Variants in DNM3 observed in about 807,000 individuals in gnomAD.
DNM3 encodes dynamin-3.
Under a neutral mutation model 101.6 loss-of-function variants are expected in DNM3, and 47 were observed. The observed-to-expected ratio is 0.46, with a 90% confidence interval of 0.37 to 0.59. The LOEUF (loss-of-function observed/expected upper bound fraction) is 0.59. DNM3 is among the 20% of genes least tolerant of loss of function. The pLI, the probability that DNM3 is intolerant of heterozygous loss-of-function variation, is 0.00. For missense variants in DNM3, 849 were observed against 1,085.7 expected, an observed-to-expected ratio of 0.78 and a Z score of 3.06; for synonymous variants, 385 against 387.9, an observed-to-expected ratio of 0.99 and a Z score of 0.09.
At chr1:172,162,416 T>G (rs1416479859) in intron 14 of DNM3, among the ~76,000 whole-genome samples, 2 of 151,980 alleles carry the variant, frequency 1.3e-5, no homozygotes, top group African/African-American at 4.8e-5. Context: ...GACCTCCTGA[T>G]TAATGTCAAG....
intron 2 of DNM3, among the ~76,000 whole-genome samples, chr1:171,932,460 C>T (rs553527662): frequency 2.8e-4 from 42 of 152,074 alleles, no homozygotes; most frequent in Non-Finnish European, 5.3e-4. Flanking sequence ...CACTCCCCAC[C>T]CACCTCCTAC....
chr1:172,195,750 A>G (rs577577772), intron 14 of DNM3, among the ~76,000 whole-genome samples: 3 of 151,912 alleles, frequency 2.0e-5, no homozygotes, highest in Non-Finnish European at 4.4e-5. Context: ...GAACCCTCCT[A>G]GCATACCTGG....
At chr1:172,398,433 GAGA>G (rs1047663227) in intron 20 of DNM3, among the ~76,000 whole-genome samples, 8 of 152,302 alleles carry the variant, frequency 5.3e-5, no homozygotes, top group African/African-American at 1.9e-4. Flanking sequence ...CTCTGTGGGT[GAGA>G]ACAGAGTTGC....
intron 17 of DNM3, chr1:172,366,596 C>G (rs1390157231): frequency 6.6e-6 from 1 of 151,876 alleles, no homozygotes; most frequent in Non-Finnish European, 1.5e-5. Flanking sequence ...AAGATTAACA[C>G]AGCCCCTGCA....
At chr1:171,927,957 A>G (rs542862923) in intron 2 of DNM3, among the ~76,000 whole-genome samples, 4 of 152,248 alleles carry the variant, frequency 2.6e-5, no homozygotes, top group East Asian at 3.9e-4. Flanking sequence ...GTTCTTTCTC[A>G]TCTCTGCATG....
At position 171,958,215 on chromosome 1, in the gene DNM3, G is replaced by A. The variant is rs1021778342; in HGVS notation, c.236-29441G>A. 5.3e-5 allele frequency among the ~76,000 whole-genome samples: 8 copies of A among 152,266 alleles called. No homozygotes were observed. In the South Asian group the frequency reaches 1.2e-3, roughly 24 times the overall value. On this transcript the variant is annotated intron_variant, in intron 2 of 20. Coordinates refer to ENST00000627582, the MANE Select transcript of DNM3 (RefSeq NM_015569.5). ...AGACTTATTCACTATCACAAGAACA[G>A]CATGGGAAAGACCTGTCCTCATGAT...
chr1:171,880,344 G>A (rs1008137689), intron 1 of DNM3, among the ~76,000 whole-genome samples: 2 of 152,166 alleles, frequency 1.3e-5, no homozygotes, highest in Non-Finnish European at 2.9e-5. Context: ...TGTGCCAGGT[G>A]GAATGATTCA....
At chr1:172,156,562 A>T (rs1218406231) in intron 14 of DNM3, among the ~76,000 whole-genome samples, 1 of 151,958 alleles carries the variant, frequency 6.6e-6, no homozygotes, top group Admixed American at 6.6e-5. Context: ...TTTTCGCCTA[A>T]TGTTGGCAAG....
chr1:172,181,627 C>T (rs2059350159), intron 14 of DNM3, among the ~76,000 whole-genome samples: 2 of 152,026 alleles, frequency 1.3e-5, no homozygotes, highest in Non-Finnish European at 2.9e-5. Context: ...GTGCCCAGCT[C>T]CAGGCCTGCA....
chr1:171,973,570 A>G (rs1181139559), intron 2 of DNM3, among the ~76,000 whole-genome samples: 1 of 151,472 alleles, frequency 6.6e-6, no homozygotes, highest in Non-Finnish European at 1.5e-5. Flanking sequence ...AAGAGACACT[A>G]TTTTGCAGTG....
At chr1:171,843,112 T>G (rs1386991541) in intron 1 of DNM3, among the ~76,000 whole-genome samples, 3 of 152,226 alleles carry the variant, frequency 2.0e-5, no homozygotes, top group African/African-American at 7.2e-5. Context: ...TTTGGAAATG[T>G]TAGTGTTCAT....
intron 2 of DNM3, among the ~76,000 whole-genome samples, chr1:171,973,926 A>G (rs1422420536): frequency 6.6e-6 from 1 of 151,862 alleles, no homozygotes; most frequent in Non-Finnish European, 1.5e-5. Flanking sequence ...TGGCCTCCTA[A>G]CGTGCTAAGA....
intron 2 of DNM3, among the ~76,000 whole-genome samples, chr1:171,925,942 A>G (rs1433420620): frequency 1.3e-5 from 2 of 152,100 alleles, no homozygotes; most frequent in African/African-American, 4.8e-5. Flanking sequence ...AGTTTTCCCA[A>G]CACCATTTAT....
chr1:171,962,806 G>A (rs1252197054), intron 2 of DNM3, among the ~76,000 whole-genome samples: 1 of 152,146 alleles, frequency 6.6e-6, no homozygotes, highest in Non-Finnish European at 1.5e-5. Flanking sequence ...GTCTACAACA[G>A]TTACATAAAA....
At chr1:172,198,805 T>C (rs2148475546) in intron 14 of DNM3, among the ~76,000 whole-genome samples, 1 of 96,994 alleles carries the variant, frequency 1.0e-5, no homozygotes, top group Non-Finnish European at 2.0e-5. Context: ...TTCTCTCTTT[T>C]CTTTCTATTA....
intron 7 of DNM3, among the ~76,000 whole-genome samples, chr1:172,041,266 G>T (rs2049366664): frequency 6.6e-6 from 1 of 152,134 alleles, no homozygotes; most frequent in African/African-American, 2.4e-5. Context: ...ACAACTGGTG[G>T]CTCCCTGCAA....
At chr1:171,863,344 G>T (rs1231772515) in intron 1 of DNM3, among the ~76,000 whole-genome samples, 7 of 152,060 alleles carry the variant, frequency 4.6e-5, no homozygotes, top group Non-Finnish European at 8.8e-5. Flanking sequence ...ATTTGGTGGG[G>T]AATGTAGGGA....
intron 1 of DNM3, among the ~76,000 whole-genome samples, chr1:171,865,562 G>T (rs970835318): frequency 6.7e-6 from 1 of 148,684 alleles, no homozygotes; most frequent in East Asian, 2.0e-4. Flanking sequence ...GAACTGAAGA[G>T]GCAGGACCAA....
chr1:171,879,000 C>T (rs2036025916), intron 1 of DNM3, among the ~76,000 whole-genome samples: 1 of 152,182 alleles, frequency 6.6e-6, no homozygotes, highest in Non-Finnish European at 1.5e-5. Context: ...CCTATGTTTT[C>T]TGTCAGAGTG....
Sources: allele counts gnomAD v4.1 joint callset (sites outside exome capture counted in the v4.1 genomes callset), GRCh38; gene constraint gnomAD v4.1.1; transcripts MANE v1.5; gene names NCBI Gene and HGNC (gene_info 2026-07-23, HGNC 2026-07-21).